The following PTPRD variants were observed in gnomAD, a reference collection of about 807,000 sequenced individuals.
The protein encoded by PTPRD is receptor-type tyrosine-protein phosphatase delta.
PTPRD carries 34 observed loss-of-function variants against 214.5 expected under a neutral mutation model. The observed-to-expected ratio is 0.16, with a 90% CI of 0.12 to 0.21. The LOEUF is 0.21. Ranked by LOEUF, PTPRD falls within the 10% of genes least tolerant of loss-of-function variation. The probability of loss-of-function intolerance (pLI) is 1.00; values close to 1 mark genes in which losing one functional copy is unlikely to be tolerated. For synonymous variants in PTPRD, 1,128 were observed against 845.7 expected, an observed-to-expected ratio of 1.33 and a Z score of -5.79; for missense variants, 2,545 against 2,398.7, an observed-to-expected ratio of 1.06 and a Z score of -1.27.
At chr9:10,395,522 C>T (rs117113543) in intron 2 of PTPRD, among the ~76,000 whole-genome samples, 81 of 151,852 alleles carry the variant, frequency 5.3e-4, no homozygotes, top group African/African-American at 1.8e-3. Flanking sequence ...ATCCAATATA[C>T]GACATTGTGT....
chr9:10,551,200 A>G (rs751780305), intron 2 of PTPRD, among the ~76,000 whole-genome samples: 2 of 152,078 alleles, frequency 1.3e-5, no homozygotes, highest in Admixed American at 6.6e-5. Context: ...GTAGCCATGT[A>G]TCATGTCACA....
chr9:9,309,295 G>C (rs1051132965), intron 9 of PTPRD, among the ~76,000 whole-genome samples: 1 of 150,648 alleles, frequency 6.6e-6, no homozygotes, highest in Non-Finnish European at 1.5e-5. Flanking sequence ...AAAAGGTATA[G>C]ATGAACAGTC....
chr9:10,178,826 G>A (rs1174758296), intron 3 of PTPRD, among the ~76,000 whole-genome samples: 1 of 151,830 alleles, frequency 6.6e-6, no homozygotes, highest in African/African-American at 2.4e-5. Flanking sequence ...AACCAAAGAT[G>A]TTTTCAGACA....
chr9:8,983,581 T>C (rs1253396978), intron 11 of PTPRD, among the ~76,000 whole-genome samples: 1 of 147,808 alleles, frequency 6.8e-6, no homozygotes, highest in African/African-American at 2.5e-5. Flanking sequence ...TAATCACACA[T>C]CACTGCAACC....
intron 6 of PTPRD, among the ~76,000 whole-genome samples, chr9:9,756,325 A>C (rs2098577398): frequency 1.3e-5 from 2 of 152,088 alleles, no homozygotes; most frequent in African/African-American, 4.8e-5. Flanking sequence ...CACTTCCTGG[A>C]GAGTGCTTGC....
At chr9:9,543,310 G>A (rs1394655878) in intron 8 of PTPRD, among the ~76,000 whole-genome samples, 1 of 151,614 alleles carries the variant, frequency 6.6e-6, no homozygotes, top group African/African-American at 2.4e-5. Context: ...TAGAGTTGTA[G>A]AATTGATTAG....
At chr9:10,372,902 T>C (rs1205910317) in intron 2 of PTPRD, among the ~76,000 whole-genome samples, 1 of 150,804 alleles carries the variant, frequency 6.6e-6, no homozygotes, top group Non-Finnish European at 1.5e-5. Context: ...CAGGTTGGAG[T>C]GCAGTGGTGC....
intron 8 of PTPRD, among the ~76,000 whole-genome samples, chr9:9,526,489 T>C (rs770056306): frequency 6.6e-6 from 1 of 152,202 alleles, no homozygotes; most frequent in Non-Finnish European, 1.5e-5. Context: ...ACTACGAGTC[T>C]ATGTAAGATA....
chr9:10,109,532 T>C (rs1237195968), intron 3 of PTPRD, among the ~76,000 whole-genome samples: 3 of 152,334 alleles, frequency 2.0e-5, no homozygotes, highest in Non-Finnish European at 4.4e-5. Context: ...TTGGGAACCA[T>C]AAACCAGGGC....
At chr9:8,631,716 C>G (rs1312148983) in intron 14 of PTPRD, among the ~76,000 whole-genome samples, 1 of 151,794 alleles carries the variant, frequency 6.6e-6, no homozygotes, top group East Asian at 1.9e-4. Flanking sequence ...TGTTAAAACT[C>G]CAGCACTAAA....
At chr9:9,233,063 G>A (rs2099964142) in intron 9 of PTPRD, among the ~76,000 whole-genome samples, 1 of 152,086 alleles carries the variant, frequency 6.6e-6, no homozygotes, top group Non-Finnish European at 1.5e-5. Flanking sequence ...CTGGGAATAA[G>A]GAATGATGCA....
chr9:10,067,377 G>A (rs2097905631), intron 3 of PTPRD, among the ~76,000 whole-genome samples: 1 of 151,770 alleles, frequency 6.6e-6, no homozygotes, highest in Non-Finnish European at 1.5e-5. Flanking sequence ...AATGTCATCA[G>A]TTTTAAAACT....
chr9:8,700,206 T>C (rs1243214637), intron 12 of PTPRD, among the ~76,000 whole-genome samples: 2 of 152,326 alleles, frequency 1.3e-5, no homozygotes, highest in Non-Finnish European at 2.9e-5. Context: ...AATTTGATCA[T>C]CATACTACAA....
chr9:10,358,556 T>C (rs908880998), intron 2 of PTPRD, among the ~76,000 whole-genome samples: 5 of 151,940 alleles, frequency 3.3e-5, no homozygotes, highest in Admixed American at 6.6e-5. Context: ...ATTTGAAAGA[T>C]TTATGTCTCT....
At chr9:10,198,322 G>A (rs1381034083) in intron 3 of PTPRD, among the ~76,000 whole-genome samples, 3 of 152,158 alleles carry the variant, frequency 2.0e-5, no homozygotes, top group African/African-American at 7.2e-5. Context: ...TGACAGGTCA[G>A]AGTATATGCT....
At chr9:10,223,558 A>G (rs908645982) in intron 3 of PTPRD, among the ~76,000 whole-genome samples, 1 of 151,722 alleles carries the variant, frequency 6.6e-6, no homozygotes, top group Non-Finnish European at 1.5e-5. Flanking sequence ...CAGCTACTCA[A>G]GAAGCTGAGG....
At chr9:9,794,283 C>T (rs1304677595) in intron 5 of PTPRD, among the ~76,000 whole-genome samples, 1 of 151,454 alleles carries the variant, frequency 6.6e-6, no homozygotes, top group Non-Finnish European at 1.5e-5. Flanking sequence ...ATTAATTATG[C>T]CCATGTTGAC....
At chr9:8,822,056 A>G (rs536027842) in intron 11 of PTPRD, among the ~76,000 whole-genome samples, 4 of 152,324 alleles carry the variant, frequency 2.6e-5, no homozygotes, top group South Asian at 2.1e-4. Flanking sequence ...CAAACATGAA[A>G]GTCACTGTGA....
rs534021467 is a variant in PTPRD, at chr9:9,154,270, G to A, written c.-143+29034C>T. Among the ~76,000 whole-genome samples, 40 of 152,262 alleles carry A rather than the reference G, an allele frequency of 2.6e-4. No individual in the cohort carries two copies. In the South Asian group the frequency reaches 2.9e-3, roughly 11 times the overall value. On this transcript the variant is annotated intron_variant, in intron 10 of 45. Coordinates refer to ENST00000381196, the MANE Select transcript of PTPRD (RefSeq NM_002839.4). ...TGAGATTCTGTGGTTGTTTGTTACC[G>A]TCTTAGTCTGTTTAGGTTGCCATAA...
Sources: allele counts gnomAD v4.1 joint callset (sites outside exome capture counted in the v4.1 genomes callset), GRCh38; gene constraint gnomAD v4.1.1; transcripts MANE v1.5; gene names NCBI Gene and HGNC (gene_info 2026-07-23, HGNC 2026-07-21).